The following MCTP1 variants were observed in gnomAD, a reference collection of about 807,000 sequenced individuals.
MCTP1 encodes multiple C2 and transmembrane domain containing 1.
In MCTP1, 69 loss-of-function variants were observed where a neutral mutation model predicts 120.6. The ratio of observed to expected loss-of-function variants is 0.57; its 90% CI spans 0.47 to 0.70. The LOEUF (loss-of-function observed/expected upper bound fraction) is 0.70. Among genes scored for constraint, MCTP1 ranks in the 30% least tolerant of loss-of-function variants. The pLI, the probability that MCTP1 is intolerant of heterozygous loss-of-function variation, is 0.00. For synonymous variants in MCTP1, 529 were observed against 493.1 expected, an observed-to-expected ratio of 1.07 and a Z score of -0.96; for missense variants, 1,203 against 1,248.8, an observed-to-expected ratio of 0.96 and a Z score of 0.55.
At chr5:94,943,793 A>AT (rs1377706491) in intron 3 of MCTP1, among the ~76,000 whole-genome samples, 1 of 152,084 alleles carries the variant, frequency 6.6e-6, no homozygotes, top group Non-Finnish European at 1.5e-5. Context: ...GGAAAAAAAA[A>AT]ACGCTACCAG....
chr5:94,783,236 A>T (rs573797461), intron 18 of MCTP1, among the ~76,000 whole-genome samples: 1 of 152,158 alleles, frequency 6.6e-6, no homozygotes, highest in Non-Finnish European at 1.5e-5. Context: ...TAAGTAGACA[A>T]CATTATTTTA....
At chr5:94,871,724 T>A (rs1264633356) in intron 13 of MCTP1, among the ~76,000 whole-genome samples, 3 of 152,244 alleles carry the variant, frequency 2.0e-5, no homozygotes, top group Non-Finnish European at 2.9e-5. Flanking sequence ...AATCAAGAAG[T>A]AGCACTGGTG....
intron 19 of MCTP1, among the ~76,000 whole-genome samples, chr5:94,716,172 T>C (rs1174766936): frequency 6.6e-6 from 1 of 152,196 alleles, no homozygotes; most frequent in East Asian, 1.9e-4. Context: ...TACCAGTTAC[T>C]TAGAGCCTTA....
At chr5:95,166,058 C>T (rs1327734757) in intron 1 of MCTP1, 2 of 152,116 alleles carry the variant, frequency 1.3e-5, no homozygotes, top group African/African-American at 4.8e-5. Context: ...TATTGATAAG[C>T]TGCATTGCCT....
At chr5:94,967,084 C>G (rs1022353236) in intron 2 of MCTP1, among the ~76,000 whole-genome samples, 1 of 152,094 alleles carries the variant, frequency 6.6e-6, no homozygotes, top group Non-Finnish European at 1.5e-5. Flanking sequence ...ACTGATACAA[C>G]TTTTAGTAAT....
At chr5:94,740,502 C>T (rs1198685837) in intron 19 of MCTP1, among the ~76,000 whole-genome samples, 2 of 152,132 alleles carry the variant, frequency 1.3e-5, no homozygotes, top group Non-Finnish European at 2.9e-5. Flanking sequence ...TTTAAACCTG[C>T]TGAGTCAGGT....
chr5:94,776,249 T>A (rs1561616140), intron 19 of MCTP1, among the ~76,000 whole-genome samples: 1 of 152,166 alleles, frequency 6.6e-6, no homozygotes, highest in Non-Finnish European at 1.5e-5. Context: ...CACACGGACC[T>A]TGTCAAGTAG....
chr5:94,895,619 T>C (rs920165338), intron 10 of MCTP1, among the ~76,000 whole-genome samples: 3 of 152,200 alleles, frequency 2.0e-5, no homozygotes, highest in African/African-American at 7.2e-5. Context: ...ATTATAAGAA[T>C]AAATGTGGTA....
chr5:95,283,931 A>AGGC lies in MCTP1; in HGVS notation c.642_644dup (p.Pro217dup). 1 of 1,397,386 alleles carries AGGC rather than the reference A, an allele frequency of 7.2e-7. No homozygotes were observed. Among genetic ancestry groups the AGGC allele is most frequent in the Non-Finnish European group, 9.2e-7 (1 of 1,082,962 alleles). The allele number at this position is 1,397,386 out of a possible 1,614,324, so 86.6% of individuals were successfully genotyped here. ...GACTCCGCGCCGGCTCTGCGGGAGGAGGCGGCGGCTCCAGCAGCTGCTCCA... is the reference window on the plus strand; with the variant it reads ...GACTCCGCGCCGGCTCTGCGGGAGGAGGCGGCGGCGGCTCCAGCAGCTGCTCCA... On this transcript the variant is annotated inframe_insertion, in exon 1 of 23. Coordinates refer to ENST00000515393, the MANE Select transcript of MCTP1 (RefSeq NM_024717.7).
chr5:95,094,044 C>G (rs975115362), intron 1 of MCTP1, among the ~76,000 whole-genome samples: 1 of 152,198 alleles, frequency 6.6e-6, no homozygotes, highest in Admixed American at 6.5e-5. Context: ...GATCCTCAAG[C>G]CCCCAGTTGA....
intron 1 of MCTP1, among the ~76,000 whole-genome samples, chr5:95,155,870 G>A (rs1314253777): frequency 1.3e-5 from 2 of 152,216 alleles, no homozygotes; most frequent in African/African-American, 4.8e-5. Context: ...GAATGACAAA[G>A]GTGATGGGTT....
intron 1 of MCTP1, among the ~76,000 whole-genome samples, chr5:95,098,774 T>G (rs1243588898): frequency 6.6e-6 from 1 of 151,850 alleles, no homozygotes; most frequent in African/African-American, 2.4e-5. Context: ...AAAACTACTT[T>G]AAAGTTCATA....
rs141167179 is a variant in MCTP1 at position 94,775,965 on chromosome 5, TTATA to T, written c.2610+3141_2610+3144del. On this transcript the variant is annotated intron_variant, in intron 19 of 22. Transcript: ENST00000515393. Reference sequence around the variant, plus strand: ...TATATATTATAGAAATATATTTATATTATATATATATATATATTTAAAAAGCCAT... The same window carrying T: ...TATATATTATAGAAATATATTTATATTATATATATATATTTAAAAAGCCAT... Among the ~76,000 whole-genome samples the T allele has an allele frequency of 3.4e-5, 5 of 145,618 alleles. No individual in the cohort carries two copies. The South Asian group carries it at 6.4e-4, about 18-fold the overall frequency.
chr5:94,713,312 G>A (rs1463187852), intron 20 of MCTP1, among the ~76,000 whole-genome samples: 4 of 152,000 alleles, frequency 2.6e-5, no homozygotes, highest in Non-Finnish European at 4.4e-5. Flanking sequence ...AGCATAGGAA[G>A]TTCTACAAAA....
intron 3 of MCTP1, among the ~76,000 whole-genome samples, chr5:94,945,057 A>C (rs142714102): frequency 6.6e-6 from 1 of 152,298 alleles, no homozygotes; most frequent in East Asian, 1.9e-4. Context: ...TAGGGCTAGG[A>C]AGACACGAGA....
At chr5:94,980,276 C>T (rs1829106847) in intron 2 of MCTP1, among the ~76,000 whole-genome samples, 1 of 152,100 alleles carries the variant, frequency 6.6e-6, no homozygotes, top group Non-Finnish European at 1.5e-5. Flanking sequence ...TCCCACTTTC[C>T]AATGCCTTCC....
intron 1 of MCTP1, among the ~76,000 whole-genome samples, chr5:95,113,454 G>C (rs1031477857): frequency 1.3e-5 from 2 of 152,110 alleles, no homozygotes; most frequent in Non-Finnish European, 2.9e-5. Context: ...GGTGTGGAGA[G>C]AGAATCTGTG....
chr5:94,886,258 A>G (rs1332327780), intron 12 of MCTP1, among the ~76,000 whole-genome samples: 2 of 152,206 alleles, frequency 1.3e-5, no homozygotes, highest in African/African-American at 2.4e-5. Context: ...CAGTATCACA[A>G]TGTTTCTCAA....
At position 95,155,204 on chromosome 5, in the gene MCTP1, A is replaced by G. The variant is rs1332246964; in HGVS notation, c.720+128652T>C. Among the ~76,000 whole-genome samples the G allele has an allele frequency of 7.2e-5, 11 of 152,324 alleles. No individual in the cohort carries two copies. In the East Asian group the frequency reaches 2.1e-3, roughly 29 times the overall value. ...GACTAGGCAAATAAGGGAGAATTGC[A>G]TGACTAAAAATATAAAGACACAGGC... On this transcript the variant is annotated intron_variant, in intron 1 of 22. Coordinates refer to ENST00000515393, the MANE Select transcript of MCTP1 (RefSeq NM_024717.7).
Sources: allele counts gnomAD v4.1 joint callset (sites outside exome capture counted in the v4.1 genomes callset), GRCh38; gene constraint gnomAD v4.1.1; transcripts MANE v1.5; gene names NCBI Gene and HGNC (gene_info 2026-07-23, HGNC 2026-07-21).